SCRN3: variants seen among roughly 807,000 people sequenced by gnomAD.
SCRN3 encodes secernin-3.
A neutral mutation model predicts 43.1 loss-of-function variants in SCRN3; 39 were observed. The ratio of observed to expected loss-of-function variants is 0.91; its 90% CI spans 0.70 to 1.18. The LOEUF is 1.18. Among genes scored for constraint, SCRN3 ranks in the 50% most tolerant of loss-of-function variants. The probability of loss-of-function intolerance (pLI) is 0.00; values close to 1 mark genes in which losing one functional copy is unlikely to be tolerated. For missense variants in SCRN3, 484 were observed against 498.0 expected (o/e 0.97, Z 0.27); for synonymous variants, 147 against 163.1 (o/e 0.90, Z 0.75).
chr2:174,409,665 T>A lies in SCRN3; in HGVS notation c.754+5350T>A, dbSNP rs1439708216. 3.7e-5 allele frequency among the ~76,000 whole-genome samples: 5 copies of A among 136,892 alleles called. No homozygotes were observed. In the East Asian group the frequency reaches 1.1e-3, roughly 29 times the overall value. 89.8% of individuals were successfully genotyped at this position (136,892 alleles called of 152,430 possible). On this transcript the variant is annotated intron_variant, in intron 5 of 7. Coordinates refer to ENST00000272732, the MANE Select transcript of SCRN3 (RefSeq NM_024583.5). ...GTGGATGTCCTTTCTGTTTGTTAGT[T>A]TTCCTTCTAACAGACAGGACCCTCA...
chr2:174,426,193 CAATATA>C (rs1686475134), intron 7 of SCRN3, among the ~76,000 whole-genome samples: 1 of 152,104 alleles, frequency 6.6e-6, no homozygotes, highest in Admixed American at 6.6e-5. Flanking sequence ...TGCCTCACCT[CAATATA>C]AATATAACTT....
At chr2:174,405,828 G>A (rs1685674942) in intron 5 of SCRN3, among the ~76,000 whole-genome samples, 1 of 150,046 alleles carries the variant, frequency 6.7e-6, no homozygotes, top group African/African-American at 2.4e-5. Context: ...TCTCTGTTTT[G>A]GTACCAGTAC....
chr2:174,395,770 C>A lies in SCRN3; in HGVS notation c.-57C>A. The A allele has an allele frequency of 6.3e-7, 1 of 1,577,158 alleles. No homozygotes were observed. The highest frequency in any genetic ancestry group is 8.6e-7 in the Non-Finnish European group (1 of 1,160,548). ...TTCCGGCAACTGATGCCTCCACTGG[C>A]CACTCCTCCCTCCGTCCACCTGTCA... is the stretch of plus-strand genomic sequence containing the variant. On this transcript the variant is annotated 5_prime_UTR_variant, in exon 1 of 8. Transcript: ENST00000272732.
At chr2:174,400,965 T>C in intron 3 of SCRN3, 25 bp from the exon 4 acceptor site, 12 of 1,513,572 alleles carry the variant, frequency 7.9e-6, no homozygotes, top group South Asian at 1.3e-5. Context: ...TATTTTAATA[T>C]GAGAACTTTA....
intron 5 of SCRN3, among the ~76,000 whole-genome samples, chr2:174,408,403 ACT>A (rs1365556119): frequency 2.2e-5 from 3 of 139,394 alleles, no homozygotes; most frequent in Admixed American, 7.2e-5. Context: ...ATGGATCTTG[ACT>A]CTATCCAATT....
chr2:174,426,417 A>C (rs1011673540), intron 7 of SCRN3, among the ~76,000 whole-genome samples: 4 of 152,204 alleles, frequency 2.6e-5, no homozygotes, highest in African/African-American at 9.7e-5. Flanking sequence ...TTCATACTGA[A>C]GTCCATGTTA....
intron 5 of SCRN3, among the ~76,000 whole-genome samples, chr2:174,416,561 C>T (rs1322129965): frequency 1.3e-5 from 2 of 152,154 alleles, no homozygotes; most frequent in Non-Finnish European, 2.9e-5. Context: ...CATCCTCTTC[C>T]CTTCCTGGGT....
intron 5 of SCRN3, among the ~76,000 whole-genome samples, chr2:174,420,728 C>T (rs1686266502): frequency 6.6e-6 from 1 of 151,950 alleles, no homozygotes; most frequent in Non-Finnish European, 1.5e-5. Flanking sequence ...AGGAGAAAAA[C>T]ATTAGTGAAC....
intron 5 of SCRN3, among the ~76,000 whole-genome samples, chr2:174,413,451 A>G (rs1298593663): frequency 6.6e-6 from 1 of 152,164 alleles, no homozygotes; most frequent in Non-Finnish European, 1.5e-5. Context: ...AGCTGCTTGC[A>G]GTCTGCCCCA....
chr2:174,429,763 T>C (rs1211372638), downstream of SCRN3, among the ~76,000 whole-genome samples: 1 of 152,220 alleles, frequency 6.6e-6, no homozygotes, highest in Admixed American at 6.5e-5. Context: ...AAAAATCTTC[T>C]GTGTTCTGCC....
intron 6 of SCRN3, among the ~76,000 whole-genome samples, chr2:174,424,113 G>C (rs564074030): frequency 6.6e-6 from 1 of 152,058 alleles, no homozygotes; most frequent in Admixed American, 6.5e-5. Flanking sequence ...TACTGACACT[G>C]GCGCTGATGT....
chr2:174,402,006 G>C (rs1685523814), intron 4 of SCRN3, among the ~76,000 whole-genome samples: 1 of 152,246 alleles, frequency 6.6e-6, no homozygotes. Flanking sequence ...GAGGAGTTCA[G>C]AAAGGCTTCA....
At chr2:174,424,945 T>C (rs1271063241) in intron 7 of SCRN3, among the ~76,000 whole-genome samples, 2 of 152,194 alleles carry the variant, frequency 1.3e-5, no homozygotes, top group African/African-American at 4.8e-5. Flanking sequence ...AACCACTTTA[T>C]GAAATGGGTA....
At position 174,398,371 on chromosome 2, in the gene SCRN3, C is replaced by T. The variant is rs751165211; in HGVS notation, c.88C>T (p.Leu30Phe). The change falls in exon 2 of 8, where the codon CTC (leucine) becomes TTC (phenylalanine). Residue 30 changes from leucine (L) to phenylalanine (F), a missense_variant. By Grantham distance (22) the Leu-to-Phe change is conservative. Coordinates refer to ENST00000272732, the MANE Select transcript of SCRN3 (RefSeq NM_024583.5). The stretch of plus-strand genomic sequence containing the variant: ...TATTTTTGGAAAAAATTCAGATAGA[C>T]TCTATGATGAAGTACAAGAGGTGGT... ...RIIFGKNSDR[L>F]YDEVQEVVYF... 2 of 1,608,796 alleles carry T rather than the reference C, an allele frequency of 1.2e-6. No individual in the cohort carries two copies. The highest frequency in any genetic ancestry group is 1.3e-5 in the African/African-American group (1 of 74,584).
rs538410196 is a variant in SCRN3, at chr2:174,409,771, G to A, written c.754+5456G>A. Reference sequence around the variant, plus strand: ...GAGGTGCCTCCCAGTTAGGCTGCTCGGGGGTCAGGGGTCAGGGACCCACTT... The same window carrying A: ...GAGGTGCCTCCCAGTTAGGCTGCTCAGGGGTCAGGGGTCAGGGACCCACTT... On this transcript the variant is annotated intron_variant, in intron 5 of 7. Coordinates refer to ENST00000272732, the MANE Select transcript of SCRN3 (RefSeq NM_024583.5). 6.3e-5 allele frequency among the ~76,000 whole-genome samples: 9 copies of A among 143,686 alleles called. 1 individual carries two copies. The South Asian group carries it at 6.5e-4, about 10-fold the overall frequency. The allele number at this position is 143,686 out of a possible 152,430, so 94.3% of individuals were successfully genotyped here. A position where few individuals can be genotyped will look rare whatever the true frequency, so the allele number is the denominator to read the frequency against.
chr2:174,404,168 A>G lies in SCRN3; in HGVS notation c.607A>G (p.Met203Val), dbSNP rs753087556. The change falls in exon 5 of 8, where the codon ATG (methionine) becomes GTG (valine). Residue 203 changes from methionine (M) to valine (V), a missense_variant. Physicochemically the swap from Met to Val is conservative, Grantham distance 21. Transcript: ENST00000272732. ...TTKIAREHPD[M>V]RNYAKRKGWW... is the part of the protein sequence containing the mutation. ...CAAGATTGCCCGGGAACACCCAGAC[A>G]TGAGAAACTATGCTAAGCGGAAAGG... The G allele has an allele frequency of 3.1e-6, 5 of 1,613,930 alleles. No homozygotes were observed. Among genetic ancestry groups the G allele is most frequent in the Non-Finnish European group, 4.2e-6 (5 of 1,179,872 alleles).
chr2:174,420,391 C>T (rs1559082515), intron 5 of SCRN3, among the ~76,000 whole-genome samples: 1 of 152,138 alleles, frequency 6.6e-6, no homozygotes, highest in Non-Finnish European at 1.5e-5. Flanking sequence ...ATATTAAATG[C>T]TCTGCGAAAG....
intron 5 of SCRN3, among the ~76,000 whole-genome samples, chr2:174,411,784 T>C (rs1046425090): frequency 1.3e-5 from 2 of 152,088 alleles, no homozygotes; most frequent in Non-Finnish European, 2.9e-5. Context: ...TAGCCAGGTA[T>C]GGTGCAGGCA....
rs1428394855 is a variant in SCRN3 at position 174,404,285 on chromosome 2, G to A, written c.724G>A (p.Glu242Lys). 1.2e-6 allele frequency: 2 copies of A among 1,613,432 alleles called. No homozygotes were observed. The highest frequency in any genetic ancestry group is 2.7e-5 in the African/African-American group (2 of 74,878). Residue 242 changes from glutamate (E) to lysine (K), a missense_variant, in exon 5 of 8, where the codon GAG becomes AAG. By Grantham distance (56) the Glu-to-Lys change is moderately conservative (BLOSUM62 1). Coordinates refer to ENST00000272732, the MANE Select transcript of SCRN3 (RefSeq NM_024583.5). ...GATGACTTCATCAGGCAGATACTGT[G>A]AGGGCTACAAGCTTCTAAATAAGCA... The part of the protein sequence containing the change: ...KMMTSSGRYC[E>K]GYKLLNKHKG...
Sources: allele counts gnomAD v4.1 joint callset (sites outside exome capture counted in the v4.1 genomes callset), GRCh38; gene constraint gnomAD v4.1.1; transcripts MANE v1.5; gene names NCBI Gene and HGNC (gene_info 2026-07-23, HGNC 2026-07-21).